The following FLI1 variants were observed in gnomAD, a reference collection of about 807,000 sequenced individuals.
FLI1 encodes Friend leukemia integration 1 transcription factor.
Under a neutral mutation model 53.1 loss-of-function variants are expected in FLI1, and 13 were observed. That is an observed-to-expected ratio of 0.24 (90% CI 0.16 to 0.39). FLI1 has a LOEUF of 0.39. Among genes scored for constraint, FLI1 ranks in the 10% least tolerant of loss-of-function variants. The pLI is 1.00. For synonymous variants in FLI1, 244 were observed against 236.7 expected (o/e 1.03, Z -0.28); for missense variants, 424 against 600.5 (o/e 0.71, Z 3.07).
At chr11:128,695,461 C>A (rs557337202) in intron 1 of FLI1, among the ~76,000 whole-genome samples, 1 of 152,252 alleles carries the variant, frequency 6.6e-6, no homozygotes, top group Admixed American at 6.5e-5. Flanking sequence ...CCCCAGAACC[C>A]GAAAGAATCG....
At chr11:128,799,595 C>T (rs1379014959) in intron 5 of FLI1, among the ~76,000 whole-genome samples, 1 of 152,184 alleles carries the variant, frequency 6.6e-6, no homozygotes, top group Admixed American at 6.5e-5. Flanking sequence ...ATTCGAAGTC[C>T]TATCTCCTAA....
At chr11:128,763,517 A>G (rs1941207305) in intron 2 of FLI1, among the ~76,000 whole-genome samples, 1 of 152,238 alleles carries the variant, frequency 6.6e-6, no homozygotes, top group Non-Finnish European at 1.5e-5. Flanking sequence ...GGGAAATGCA[A>G]GACTTGCCTT....
intron 8 of FLI1, among the ~76,000 whole-genome samples, chr11:128,809,813 C>T (rs781078442): frequency 1.3e-5 from 2 of 152,174 alleles, no homozygotes; most frequent in Non-Finnish European, 2.9e-5. Context: ...AGGGACTCTG[C>T]CTACCCATTC....
chr11:128,773,999 C>G (rs753891124), intron 4 of FLI1, among the ~76,000 whole-genome samples: 2 of 152,038 alleles, frequency 1.3e-5, no homozygotes, highest in Non-Finnish European at 2.9e-5. Context: ...TGATTTTAAG[C>G]CCCCTTCGCA....
intron 2 of FLI1, 118 bp from the exon 3 acceptor site, chr11:128,768,000 T>C (rs1941408284): frequency 1.2e-6 from 1 of 830,762 alleles, no homozygotes; most frequent in Non-Finnish European, 1.9e-6. Flanking sequence ...TGACACCAAG[T>C]GTGGCCGGGC....
At chr11:128,740,364 G>A (rs1239139473) in intron 1 of FLI1, among the ~76,000 whole-genome samples, 4 of 152,180 alleles carry the variant, frequency 2.6e-5, no homozygotes, top group East Asian at 1.9e-4. Context: ...GTAACATTTG[G>A]TTACAGAAGT....
intron 1 of FLI1, among the ~76,000 whole-genome samples, chr11:128,748,931 A>G (rs188554703): frequency 5.2e-5 from 8 of 152,392 alleles, no homozygotes; most frequent in Non-Finnish European, 1.5e-5. Flanking sequence ...ACTTCAAGTC[A>G]TCAAATAATA....
At chr11:128,725,786 G>A (rs540628812) in intron 1 of FLI1, among the ~76,000 whole-genome samples, 2 of 152,206 alleles carry the variant, frequency 1.3e-5, no homozygotes. Context: ...CCCGTCTTGT[G>A]AAAACTGTGT....
At chr11:128,687,803 T>A (rs942166319) in intron 1 of FLI1, among the ~76,000 whole-genome samples, 2 of 152,176 alleles carry the variant, frequency 1.3e-5, no homozygotes, top group African/African-American at 4.8e-5. Context: ...CACTCGTCAT[T>A]TCAGGAAGGG....
At chr11:128,714,366 G>T (rs1280939613) in intron 1 of FLI1, among the ~76,000 whole-genome samples, 2 of 152,180 alleles carry the variant, frequency 1.3e-5, no homozygotes, top group Non-Finnish European at 2.9e-5. Flanking sequence ...TTCTTCCAAT[G>T]ATAATTTTAC....
At chr11:128,736,866 T>A (rs759295982) in intron 1 of FLI1, among the ~76,000 whole-genome samples, 4 of 152,116 alleles carry the variant, frequency 2.6e-5, no homozygotes, top group African/African-American at 4.8e-5. Flanking sequence ...GGGAGAACCA[T>A]GAACAAGACA....
chr11:128,725,035 T>C (rs761992788), intron 1 of FLI1, among the ~76,000 whole-genome samples: 7 of 152,178 alleles, frequency 4.6e-5, no homozygotes, highest in Admixed American at 1.3e-4. Flanking sequence ...GGGAGGATGC[T>C]AGGCTGAGAC....
intron 1 of FLI1, among the ~76,000 whole-genome samples, chr11:128,745,396 T>C (rs144813568): frequency 1.5e-3 from 221 of 152,088 alleles, no homozygotes; most frequent in African/African-American, 4.8e-3. Context: ...ATCACTCCCA[T>C]CCACAAGGTT....
chr11:128,784,320 C>G (rs1269894752), intron 5 of FLI1, among the ~76,000 whole-genome samples: 1 of 149,264 alleles, frequency 6.7e-6, no homozygotes, highest in Non-Finnish European at 1.5e-5. Flanking sequence ...ACATTTCCTT[C>G]CCTTGGCCCT....
At chr11:128,701,348 A>G (rs1024739028) in intron 1 of FLI1, among the ~76,000 whole-genome samples, 4 of 152,218 alleles carry the variant, frequency 2.6e-5, no homozygotes, top group Non-Finnish European at 5.9e-5. Context: ...AAGTCTCTCT[A>G]AAACTCAAAT....
At chr11:128,717,649 G>T (rs1414000573) in intron 1 of FLI1, among the ~76,000 whole-genome samples, 1 of 152,216 alleles carries the variant, frequency 6.6e-6, no homozygotes, top group Non-Finnish European at 1.5e-5. Context: ...TGAGGAAACT[G>T]AGGCTCAGAG....
intron 1 of FLI1, among the ~76,000 whole-genome samples, chr11:128,704,399 C>T (rs1452721598): frequency 2.0e-5 from 3 of 152,088 alleles, no homozygotes; most frequent in African/African-American, 4.8e-5. Flanking sequence ...AATCCCTTTC[C>T]GTTAATGCAA....
chr11:128,770,003 T>C (rs2135837602), intron 3 of FLI1, among the ~76,000 whole-genome samples: 1 of 152,272 alleles, frequency 6.6e-6, no homozygotes, highest in Middle Eastern at 3.4e-3. Flanking sequence ...GCTCCCAGCC[T>C]GGGAGGGAAA....
intron 2 of FLI1, among the ~76,000 whole-genome samples, chr11:128,766,138 G>A (rs1941330658): frequency 6.6e-6 from 1 of 152,180 alleles, no homozygotes; most frequent in African/African-American, 2.4e-5. Context: ...TTAGCCCCAG[G>A]GCGGGTGAGG....
Sources: gnomAD v4.1 joint callset for allele counts (sites outside exome capture counted in the v4.1 genomes callset) on GRCh38, gnomAD v4.1.1 for gene constraint, MANE v1.5 for transcripts, NCBI Gene and HGNC (gene_info 2026-07-23, HGNC 2026-07-21) for gene names.